The following KARS1 variants were observed in gnomAD, a reference collection of about 807,000 sequenced individuals.
KARS1 encodes lysine--tRNA ligase.
Under a neutral mutation model 63.9 loss-of-function variants are expected in KARS1, and 50 were observed. That is an observed-to-expected ratio of 0.78 (90% confidence interval 0.62 to 0.99). The LOEUF (loss-of-function observed/expected upper bound fraction) is 0.99. Ranked by LOEUF, KARS1 falls within the 50% of genes least tolerant of loss-of-function variation. The pLI is 0.00. For missense variants in KARS1, 816 were observed against 754.5 expected (o/e 1.08, Z -0.95); for synonymous variants, 320 against 264.6 (o/e 1.21, Z -2.03).
At position 75,631,473 on chromosome 16, in the gene KARS1, CT is replaced by C; in HGVS notation, c.1194del (p.Glu399SerfsTer8). ...TTCATCCCCAGGGCTTTCTCAAGCTCTTCTACCATGTTGATTCGCCGGAAGG... is the reference window on the plus strand; with the variant it reads ...TTCATCCCCAGGGCTTTCTCAAGCTCTCTACCATGTTGATTCGCCGGAAGG... ...TPPFRRINMV[E>X]ELEKALGMKL... is the part of the protein sequence containing the mutation. On this transcript the variant is annotated frameshift_variant, in exon 9 of 14. Coordinates refer to ENST00000302445, the MANE Select transcript of KARS1 (RefSeq NM_005548.3). LOFTEE classifies it high-confidence loss of function. 1.2e-6 allele frequency: 2 copies of C among 1,614,198 alleles called. No homozygotes were observed. The highest frequency in any genetic ancestry group is 1.7e-6 in the Non-Finnish European group (2 of 1,180,024).
At chr16:75,638,218 T>C (rs76950867) in intron 3 of KARS1, among the ~76,000 whole-genome samples, 2 of 72,602 alleles carry the variant, frequency 2.8e-5, no homozygotes, top group African/African-American at 4.4e-5. Flanking sequence ...AAAAAGTTCC[T>C]TTTTTTTTTT....
intron 7 of KARS1, among the ~76,000 whole-genome samples, chr16:75,632,368 G>A (rs1181352518): frequency 6.6e-6 from 1 of 152,228 alleles, no homozygotes. Flanking sequence ...AGGACTTCTC[G>A]ATACTCTTCC....
At chr16:75,644,316 G>A (rs754673820) in intron 1 of KARS1, 8 of 1,606,824 alleles carry the variant, frequency 5.0e-6, no homozygotes, top group African/African-American at 2.7e-5. Flanking sequence ...GTCCTTGTGA[G>A]GCGCTGTGAA....
At chr16:75,631,962 A>G (rs1338457807) in intron 7 of KARS1, 107 bp from the exon 8 acceptor site, 3 of 1,325,116 alleles carry the variant, frequency 2.3e-6, no homozygotes, top group South Asian at 1.2e-5. Context: ...ATCTCAGCTC[A>G]CCGCAACCTC....
chr16:75,635,761 G>A lies in KARS1; in HGVS notation c.714C>T (p.Asp238=). ...GGATGATAAATTTCTGCCTCACAAA[G>A]TCATTCAGGATCAAGTCCAAGTATC... ...RQRYLDLILN[D]FVRQKFIIRS... The change falls in exon 6 of 14, where the codon GAC becomes GAT. Residue 238 remains aspartate, a synonymous_variant. Transcript: ENST00000302445. 1 of 1,614,156 alleles carries A rather than the reference G, an allele frequency of 6.2e-7. No homozygotes were observed. The highest frequency in any genetic ancestry group is 2.2e-5 in the East Asian group (1 of 44,886).
At chr16:75,635,239 G>A (rs1167654277) in intron 6 of KARS1, 1 of 280,126 alleles carries the variant, frequency 3.6e-6, no homozygotes, top group Non-Finnish European at 7.0e-6. Flanking sequence ...ACGTATATAT[G>A]CCCAGTAAAT....
chr16:75,644,558 C>T (rs2082260605), intron 1 of KARS1: 2 of 803,610 alleles, frequency 2.5e-6, no homozygotes, highest in African/African-American at 1.7e-5. Flanking sequence ...GACCATGCTT[C>T]TACTACCTTT....
chr16:75,635,327 T>A (rs895286827), intron 6 of KARS1: 1 of 324,518 alleles, frequency 3.1e-6, no homozygotes, highest in South Asian at 2.6e-5. Flanking sequence ...CTTTCAGTTT[T>A]GCTTCTATTT....
In KARS1 at chr16:75,635,525, C is replaced by A. The variant is rs571291655; in HGVS notation, c.795+155G>T. 6 of 863,308 alleles carry A rather than the reference C, an allele frequency of 7.0e-6. No homozygotes were observed. In the South Asian group the frequency reaches 8.5e-5, roughly 12 times the overall value. The allele number at this position is 863,308 out of a possible 1,614,324, so 53.5% of individuals were successfully genotyped here. On this transcript the variant is annotated intron_variant, in intron 6 of 13. Coordinates refer to ENST00000302445, the MANE Select transcript of KARS1 (RefSeq NM_005548.3). ...TCAGGTCCTGCCTTCCTAATCAGGA[C>A]AAGGTAGAACAGAGACGATGGCAAG...
chr16:75,638,652 T>G (rs1280282544), intron 3 of KARS1, among the ~76,000 whole-genome samples: 1 of 152,086 alleles, frequency 6.6e-6, no homozygotes, highest in Non-Finnish European at 1.5e-5. Flanking sequence ...AAATGCAGAC[T>G]AAGCTATAAG....
At chr16:75,632,638 CTG>C (rs1171753337) in intron 7 of KARS1, among the ~76,000 whole-genome samples, 1 of 152,208 alleles carries the variant, frequency 6.6e-6, no homozygotes, top group East Asian at 1.9e-4. Flanking sequence ...GCTGTAGTAA[CTG>C]TGCCTACTAG....
Position 75,642,185 on chromosome 16 carries a change from C to CTT in KARS1, c.63-464_63-463dup, listed in dbSNP as rs148991591. On this transcript the variant is annotated intron_variant, in intron 1 of 13. Transcript: ENST00000302445. ...AGGTGAAGTTCCAACAGTGCCAGGT[C>CTT]TTTTTTTTTTTTTTTTTTTTTTTTT... 6.1e-3 allele frequency among the ~76,000 whole-genome samples: 386 copies of CTT among 63,122 alleles called. 51 individuals carry two copies. The highest frequency in any genetic ancestry group is 0.04 in the East Asian group (40 of 1,008). The allele number at this position is 63,122 out of a possible 152,430, so 41.4% of individuals were successfully genotyped here. A position where few individuals can be genotyped will look rare whatever the true frequency, so the allele number is the denominator to read the frequency against.
intron 4 of KARS1, 60 bp downstream of exon 4, chr16:75,636,394 C>A: frequency 9.7e-7 from 1 of 1,035,916 alleles, no homozygotes; most frequent in Non-Finnish European, 1.5e-6. Flanking sequence ...CCACATCAGC[C>A]TATTGCTGTG....
At chr16:75,634,663 C>G (rs2082145069) in intron 6 of KARS1, among the ~76,000 whole-genome samples, 1 of 152,188 alleles carries the variant, frequency 6.6e-6, no homozygotes, top group Non-Finnish European at 1.5e-5. Flanking sequence ...GCAAGCTCCG[C>G]CTCCTGGGTT....
chr16:75,640,370 A>AG, intron 2 of KARS1, 21 bp from the exon 3 acceptor site: 1 of 1,611,232 alleles, frequency 6.2e-7, no homozygotes, highest in African/African-American at 1.3e-5. Context: ...AAAAAAAAAA[A>AG]AAGCCCTTCA....
At position 75,628,722 on chromosome 16, in the gene KARS1, G is replaced by A; in HGVS notation, c.1552-10C>T. The A allele has an allele frequency of 6.2e-7, 1 of 1,614,196 alleles. No homozygotes were observed. Among genetic ancestry groups the A allele is most frequent in the Non-Finnish European group, 8.5e-7 (1 of 1,180,016 alleles). The stretch of plus-strand genomic sequence containing the variant: ...CACCTGCAGCCTTGGCCTAGAAGAG[G>A]AAAGAGAACCAAAAGGTGACCTTCT... On this transcript the variant is annotated splice_polypyrimidine_tract_variant and intron_variant, in intron 12 of 13. Coordinates refer to ENST00000302445, the MANE Select transcript of KARS1 (RefSeq NM_005548.3).
At chr16:75,638,423 C>T (rs1044948316) in intron 3 of KARS1, among the ~76,000 whole-genome samples, 12 of 151,556 alleles carry the variant, frequency 7.9e-5, no homozygotes, top group Non-Finnish European at 1.6e-4. Flanking sequence ...GTGTGATGTT[C>T]CCCTCCCTGT....
Position 75,627,785 on chromosome 16 carries a change from C to G in KARS1, c.*110G>C. 5.2e-6 allele frequency: 4 copies of G among 773,844 alleles called. No homozygotes were observed. Among genetic ancestry groups the G allele is most frequent in the South Asian group, 2.7e-5 (2 of 73,280 alleles). The allele number at this position is 773,844 out of a possible 1,614,324, so 47.9% of individuals were successfully genotyped here. ...CCTTGTCTCTCTTCTGATGGCTGAACAGAACTGCGGTGTCAAATGGAAAGC... is the reference window on the plus strand; with the variant it reads ...CCTTGTCTCTCTTCTGATGGCTGAAGAGAACTGCGGTGTCAAATGGAAAGC... On this transcript the variant is annotated 3_prime_UTR_variant, in exon 14 of 14. Transcript: ENST00000302445.
intron 7 of KARS1, among the ~76,000 whole-genome samples, chr16:75,632,784 C>T (rs1447890205): frequency 6.6e-6 from 1 of 152,154 alleles, no homozygotes; most frequent in African/African-American, 2.4e-5. Context: ...GGGATTCACT[C>T]AGGATGGTGG....
Sources: gnomAD v4.1 joint callset for allele counts (sites outside exome capture counted in the v4.1 genomes callset) on GRCh38, gnomAD v4.1.1 for gene constraint, MANE v1.5 for transcripts, NCBI Gene and HGNC (gene_info 2026-07-23, HGNC 2026-07-21) for gene names.